PTN: variants seen among roughly 807,000 people sequenced by gnomAD.
PTN encodes heparin affin regulatory protein.
Under a neutral mutation model 24.1 loss-of-function variants are expected in PTN, and 18 were observed. The observed-to-expected ratio is 0.75, with a 90% CI of 0.52 to 1.11. The LOEUF is 1.11. PTN is among the 50% of genes least tolerant of loss of function. The probability of loss-of-function intolerance (pLI) is 0.00; values close to 1 mark genes in which losing one functional copy is unlikely to be tolerated. For missense variants in PTN, 163 were observed against 198.8 expected, an observed-to-expected ratio of 0.82 and a Z score of 1.08; for synonymous variants, 78 against 68.6, an observed-to-expected ratio of 1.14 and a Z score of -0.67.
At chr7:137,228,640 G>A (rs1309853269) in intron 4 of PTN, among the ~76,000 whole-genome samples, 2 of 151,938 alleles carry the variant, frequency 1.3e-5, no homozygotes, top group East Asian at 1.9e-4. Flanking sequence ...TAAACCATAT[G>A]TACTCTCTCT....
At chr7:137,275,019 G>A (rs1809339174) in intron 1 of PTN, among the ~76,000 whole-genome samples, 1 of 152,200 alleles carries the variant, frequency 6.6e-6, no homozygotes, top group Non-Finnish European at 1.5e-5. Context: ...TAATTTGTTT[G>A]AAGAGTACAG....
chr7:137,281,479 T>C (rs1002262214), intron 1 of PTN, among the ~76,000 whole-genome samples: 34 of 152,302 alleles, frequency 2.2e-4, no homozygotes, highest in Admixed American at 2.0e-3. Flanking sequence ...AAGGCTACTC[T>C]CAGGGCCAGT....
chr7:137,258,586 A>G (rs995831071), intron 1 of PTN, among the ~76,000 whole-genome samples: 1 of 152,140 alleles, frequency 6.6e-6, no homozygotes, highest in African/African-American at 2.4e-5. Flanking sequence ...AAAAGAAGAG[A>G]GTAAAGAGTT....
intron 1 of PTN, among the ~76,000 whole-genome samples, chr7:137,283,748 A>G (rs1809508533): frequency 6.6e-6 from 1 of 152,098 alleles, no homozygotes; most frequent in African/African-American, 2.4e-5. Flanking sequence ...CTTATTAGAA[A>G]TTAGAAATGC....
chr7:137,317,933 G>C (rs752612988), intron 1 of PTN, among the ~76,000 whole-genome samples: 2 of 152,148 alleles, frequency 1.3e-5, no homozygotes, highest in Non-Finnish European at 2.9e-5. Context: ...AGGGCTGAAA[G>C]AAAATTTTCT....
At chr7:137,235,617 A>C (rs721239) in intron 4 of PTN, among the ~76,000 whole-genome samples, 64,811 of 151,994 alleles carry the variant, frequency 0.43, 14,359 homozygotes, top group East Asian at 0.72. Flanking sequence ...TGTAGCATCA[A>C]TTGTTTCATT....
intron 1 of PTN, among the ~76,000 whole-genome samples, chr7:137,291,811 G>C (rs1049224092): frequency 1.2e-4 from 18 of 152,160 alleles, no homozygotes; most frequent in African/African-American, 4.3e-4. Context: ...ACTCTGAATT[G>C]AGTGTCCCAT....
intron 4 of PTN, among the ~76,000 whole-genome samples, chr7:137,244,313 A>T (rs1808684238): frequency 6.6e-6 from 1 of 152,000 alleles, no homozygotes; most frequent in Non-Finnish European, 1.5e-5. Flanking sequence ...TAAGAGCATG[A>T]ATATTCCCTC....
At chr7:137,260,601 T>G (rs1809018169) in intron 1 of PTN, among the ~76,000 whole-genome samples, 1 of 152,166 alleles carries the variant, frequency 6.6e-6, no homozygotes. Flanking sequence ...TTTTCTTGCT[T>G]TTTACTTTTA....
chr7:137,228,348 T>C (rs1808370003), intron 4 of PTN, among the ~76,000 whole-genome samples: 1 of 151,770 alleles, frequency 6.6e-6, no homozygotes, highest in South Asian at 2.1e-4. Flanking sequence ...ATTCTACAAA[T>C]GCCTGTTATC....
Position 137,253,329 on chromosome 7 carries a change from A to T in PTN, c.289+135T>A, listed in dbSNP as rs187563421. 686 of 903,050 alleles carry T rather than the reference A, an allele frequency of 7.6e-4. 4 individuals are homozygous for T. In the African/African-American group the frequency reaches 0.011, roughly 14 times the overall value. The allele number at this position is 903,050 out of a possible 1,614,324, so 55.9% of individuals were successfully genotyped here. A position where few individuals can be genotyped will look rare whatever the true frequency, so the allele number is the denominator to read the frequency against. Reference sequence around the variant, plus strand: ...AAATAATTGCCTGGCCTGAAATGGGACCAGTCTGGTCACTTTGTGTCTGGT... The same window carrying T: ...AAATAATTGCCTGGCCTGAAATGGGTCCAGTCTGGTCACTTTGTGTCTGGT... On this transcript the variant is annotated intron_variant, in intron 3 of 4. Transcript: ENST00000348225.
intron 1 of PTN, among the ~76,000 whole-genome samples, chr7:137,308,657 A>C (rs546614532): frequency 6.6e-6 from 1 of 152,116 alleles, no homozygotes; most frequent in African/African-American, 2.4e-5. Context: ...GTGAGGATTA[A>C]GCCTTTATGG....
At chr7:137,249,273 G>A (rs747178259) in intron 4 of PTN, among the ~76,000 whole-genome samples, 19 of 38,886 alleles carry the variant, frequency 4.9e-4, no homozygotes, top group Non-Finnish European at 9.0e-4. Context: ...GACAGTGCAC[G>A]TGTGTGTGTG....
chr7:137,232,183 T>C (rs931902618), intron 4 of PTN, among the ~76,000 whole-genome samples: 1 of 151,894 alleles, frequency 6.6e-6, no homozygotes. Context: ...GGATTGAGGC[T>C]GCAAAGCAGA....
chr7:137,248,924 G>T (rs577516130), intron 4 of PTN, among the ~76,000 whole-genome samples: 1 of 151,782 alleles, frequency 6.6e-6, no homozygotes, highest in African/African-American at 2.4e-5. Context: ...ATTTATTTAC[G>T]TATGAATATT....
At chr7:137,288,895 C>T (rs978364309) in intron 1 of PTN, among the ~76,000 whole-genome samples, 12 of 152,086 alleles carry the variant, frequency 7.9e-5, no homozygotes, top group African/African-American at 2.9e-4. Flanking sequence ...CAAGAGAATA[C>T]TTCAAATCAG....
chr7:137,236,356 G>A (rs775804264), intron 4 of PTN: 18 of 684,250 alleles, frequency 2.6e-5, no homozygotes, highest in Non-Finnish European at 3.7e-5. Context: ...ACACATGAGC[G>A]TGTTGGGATC....
intron 4 of PTN, among the ~76,000 whole-genome samples, chr7:137,250,095 T>C (rs1808797250): frequency 6.6e-6 from 1 of 152,206 alleles, no homozygotes; most frequent in African/African-American, 2.4e-5. Context: ...AGTATGAATT[T>C]TCAGGACCAC....
chr7:137,297,517 CA>C (rs1054916064), intron 1 of PTN, among the ~76,000 whole-genome samples: 1 of 151,672 alleles, frequency 6.6e-6, no homozygotes, highest in Admixed American at 6.6e-5. Flanking sequence ...AGATGAGCAA[CA>C]AAAAAAGATT....
Sources: allele counts gnomAD v4.1 joint callset (sites outside exome capture counted in the v4.1 genomes callset), GRCh38; gene constraint gnomAD v4.1.1; transcripts MANE v1.5; gene names NCBI Gene and HGNC (gene_info 2026-07-23, HGNC 2026-07-21).